GRB10: variants seen among roughly 807,000 people sequenced by gnomAD.
The protein encoded by GRB10 is growth factor receptor bound protein 10.
A neutral mutation model predicts 80.9 loss-of-function variants in GRB10; 20 were observed. The observed-to-expected ratio is 0.25, with a 90% confidence interval of 0.17 to 0.36. The LOEUF (loss-of-function observed/expected upper bound fraction) is 0.36, where lower values mean the gene tolerates loss of function less well. GRB10 is among the 10% of genes least tolerant of loss of function. The pLI is 1.00. For missense variants in GRB10, 548 were observed against 747.7 expected, an observed-to-expected ratio of 0.73 and a Z score of 3.12; for synonymous variants, 291 against 291.5, an observed-to-expected ratio of 1.00 and a Z score of 0.02.
intron 13 of GRB10, chr7:50,606,943 G>GACCACCGAGATCTA: frequency 2.3e-4 from 39 of 169,032 alleles, no homozygotes; most frequent in South Asian, 1.2e-3. Context: ...GTTCTTGGGC[G>GACCACCGAGATCTA]CACTTCCAGC....
At position 50,689,688 on chromosome 7, in the gene GRB10, TC is replaced by T. The variant is rs1225888247; in HGVS notation, c.139+14132del. Among the ~76,000 whole-genome samples, 8 of 152,202 alleles carry T rather than the reference TC, an allele frequency of 5.3e-5. No homozygotes were observed. In the East Asian group the frequency reaches 1.5e-3, roughly 29 times the overall value. ...TAAGAAACTAACATTTTTGAGGACC[TC>T]CTTAAAGATGGGATTAATTCATAGT... On this transcript the variant is annotated intron_variant, in intron 5 of 18. Transcript: ENST00000401949.
At chr7:50,599,232 G>T (rs879153225) in intron 17 of GRB10, among the ~76,000 whole-genome samples, 2 of 152,142 alleles carry the variant, frequency 1.3e-5, no homozygotes, top group African/African-American at 4.8e-5. Context: ...AATACTTGAC[G>T]GGCTTATTTA....
At chr7:50,718,019 G>A (rs571650136) in intron 4 of GRB10, among the ~76,000 whole-genome samples, 39 of 152,332 alleles carry the variant, frequency 2.6e-4, no homozygotes, top group South Asian at 6.2e-4. Context: ...GGCCCTGGGC[G>A]CCCAGCAAAG....
chr7:50,686,957 G>A (rs901529234), intron 5 of GRB10, among the ~76,000 whole-genome samples: 1 of 152,134 alleles, frequency 6.6e-6, no homozygotes, highest in Admixed American at 6.5e-5. Flanking sequence ...CTTTGTCAGT[G>A]AACTTGAGTT....
intron 2 of GRB10, among the ~76,000 whole-genome samples, chr7:50,772,408 C>T (rs1225284762): frequency 1.3e-5 from 2 of 152,218 alleles, no homozygotes; most frequent in South Asian, 2.1e-4. Flanking sequence ...ATTCCCGAAA[C>T]ATTCCACCAA....
At chr7:50,783,436 T>TCACACACACCCCACACACACCTCACACA (rs2078511830), upstream of GRB10, among the ~76,000 whole-genome samples, 1 of 150,114 alleles carries the variant, frequency 6.7e-6, no homozygotes, top group Non-Finnish European at 1.5e-5. Flanking sequence ...CACACACACC[T>TCACACACACCCCACACACACCTCACACA]CACACACACA....
chr7:50,646,884 C>T (rs530090544), intron 7 of GRB10, among the ~76,000 whole-genome samples: 1 of 152,314 alleles, frequency 6.6e-6, no homozygotes, highest in African/African-American at 2.4e-5. Flanking sequence ...CTGCTACGGG[C>T]ACCAATCCCA....
intron 7 of GRB10, among the ~76,000 whole-genome samples, chr7:50,663,022 T>A (rs914928207): frequency 5.9e-5 from 9 of 152,226 alleles, no homozygotes; most frequent in Non-Finnish European, 1.0e-4. Flanking sequence ...TTTTCAGTTA[T>A]CCCTTGACTT....
At chr7:50,787,105 T>C (rs1051326734), upstream of GRB10, among the ~76,000 whole-genome samples, 3 of 152,200 alleles carry the variant, frequency 2.0e-5, no homozygotes, top group African/African-American at 7.2e-5. Flanking sequence ...TGAGCAGCAT[T>C]AGGGGACCAT....
intron 4 of GRB10, chr7:50,729,346 ATT>A (rs1481077291): frequency 2.0e-5 from 3 of 152,264 alleles, no homozygotes; most frequent in Admixed American, 2.0e-4. Context: ...TCAGTTCAAC[ATT>A]GTGTACGGAA....
chr7:50,723,102 G>C (rs1418347916), intron 4 of GRB10, among the ~76,000 whole-genome samples: 1 of 152,092 alleles, frequency 6.6e-6, no homozygotes, highest in East Asian at 1.9e-4. Flanking sequence ...GTGAAGTTCT[G>C]AAGGGACAAG....
At chr7:50,672,222 A>G (rs1027330203) in intron 6 of GRB10, among the ~76,000 whole-genome samples, 1 of 152,068 alleles carries the variant, frequency 6.6e-6, no homozygotes, top group Non-Finnish European at 1.5e-5. Context: ...TGCAGCGTGG[A>G]CCATGCTCCG....
At chr7:50,733,721 G>A (rs574472910) in intron 3 of GRB10, among the ~76,000 whole-genome samples, 17 of 152,360 alleles carry the variant, frequency 1.1e-4, no homozygotes, top group Non-Finnish European at 2.4e-4. Context: ...CAGTCAGCCT[G>A]TCCTCGGGGT....
chr7:50,657,302 G>A (rs1356072585), intron 7 of GRB10, among the ~76,000 whole-genome samples: 1 of 152,054 alleles, frequency 6.6e-6, no homozygotes, highest in African/African-American at 2.4e-5. Context: ...GAGTCAAAAG[G>A]GCAGTCACAC....
In GRB10 at chr7:50,777,610, G is replaced by T. The variant is rs1027798338; in HGVS notation, c.-217+3017C>A. ...AAAAAACTAGCCCATAAAGATACAT[G>T]CACACCTATGTTTATTGCAGCACTA... is the stretch of plus-strand genomic sequence containing the variant. On this transcript the variant is annotated intron_variant, in intron 2 of 18. Coordinates refer to ENST00000401949, the MANE Select transcript of GRB10 (RefSeq NM_001350814.2). 2.0e-5 allele frequency among the ~76,000 whole-genome samples: 3 copies of T among 151,462 alleles called. No homozygotes were observed. In the East Asian group the frequency reaches 5.8e-4, roughly 29 times the overall value.
rs746154687 is a variant in GRB10 at position 50,593,089 on chromosome 7, C to G, written c.1648G>C (p.Asp550His). The G allele has an allele frequency of 6.2e-7, 1 of 1,614,154 alleles. No homozygotes were observed. Among genetic ancestry groups the G allele is most frequent in the Non-Finnish European group, 8.5e-7 (1 of 1,180,042 alleles). Residue 550 changes from aspartate to histidine, a missense_variant, in exon 19 of 19, where the codon GAC becomes CAC. Physicochemically the swap from Asp to His is moderately conservative, Grantham distance 81. Around this residue, in one of 4 missense-constraint regions of GRB10, gnomAD observed 32 missense variants for 66.0 expected, o/e 0.48. Coordinates refer to ENST00000401949, the MANE Select transcript of GRB10 (RefSeq NM_001350814.2). Reference sequence around the variant, plus strand: ...TCTAGGCTGAAGAACGTCTGCCCGTCGTCCTCGCACTGGAGAGACACAAGA... The same window carrying G: ...TCTAGGCTGAAGAACGTCTGCCCGTGGTCCTCGCACTGGAGAGACACAAGA... ...KNFQILPCED[D>H]GQTFFSLDDG...
intron 5 of GRB10, among the ~76,000 whole-genome samples, chr7:50,698,836 A>G (rs1467240392): frequency 6.6e-6 from 1 of 152,252 alleles, no homozygotes; most frequent in Non-Finnish European, 1.5e-5. Flanking sequence ...CATGTGACAA[A>G]ACTGTTAAGA....
At position 50,662,103 on chromosome 7, in the gene GRB10, C is replaced by T. The variant is rs549545346; in HGVS notation, c.504+7619G>A. Among the ~76,000 whole-genome samples the T allele has an allele frequency of 5.9e-5, 9 of 152,232 alleles. No homozygotes were observed. The South Asian group carries it at 1.0e-3, about 18-fold the overall frequency. ...GCAGCTGGTGTTACTACTGTCATTA[C>T]CTGCAATGTTGTGGAGTTGGAGTCT... On this transcript the variant is annotated intron_variant, in intron 7 of 18. Transcript: ENST00000401949.
intron 3 of GRB10, among the ~76,000 whole-genome samples, chr7:50,737,139 T>C (rs2070930109): frequency 6.6e-6 from 1 of 152,228 alleles, no homozygotes. Context: ...ATTTATCTGA[T>C]AAGGGATTAA....
Sources: allele counts gnomAD v4.1 joint callset (sites outside exome capture counted in the v4.1 genomes callset), GRCh38; gene constraint gnomAD v4.1.1; regional missense constraint gnomAD v4.1.1; transcripts MANE v1.5; gene names NCBI Gene and HGNC (gene_info 2026-07-23, HGNC 2026-07-21).